PCLO: variants seen among roughly 807,000 people sequenced by gnomAD.
The protein encoded by PCLO is piccolo presynaptic cytomatrix protein.
In PCLO, 82 loss-of-function variants were observed where a neutral mutation model predicts 427.5. The ratio of observed to expected loss-of-function variants is 0.19; its 90% confidence interval spans 0.16 to 0.23. The LOEUF is 0.23. PCLO is among the 10% of genes least tolerant of loss of function. PCLO has a pLI of 1.00. For synonymous variants in PCLO, 2,357 were observed against 2,155.4 expected, an observed-to-expected ratio of 1.09 and a Z score of -2.59; for missense variants, 6,239 against 6,115.9, an observed-to-expected ratio of 1.02 and a Z score of -0.67.
chr7:82,880,106 A>G (rs1214584883), intron 9 of PCLO, among the ~76,000 whole-genome samples: 1 of 152,194 alleles, frequency 6.6e-6, no homozygotes, highest in South Asian at 2.1e-4. Context: ...TAATATTATT[A>G]TGAGAAACCT....
At chr7:83,066,767 A>G (rs946938534) in intron 3 of PCLO, among the ~76,000 whole-genome samples, 25 of 152,278 alleles carry the variant, frequency 1.6e-4, no homozygotes, top group African/African-American at 5.8e-4. Context: ...GGAATGTTCA[A>G]TGGGGCAGAA....
intron 22 of PCLO, among the ~76,000 whole-genome samples, chr7:82,800,415 C>T (rs11771757): frequency 0.033 from 4,962 of 152,116 alleles, 109 homozygotes; most frequent in South Asian, 0.051. Flanking sequence ...GTCCTTGTTC[C>T]ATGTGTGCAC....
chr7:82,970,706 T>G (rs192674753), intron 3 of PCLO, among the ~76,000 whole-genome samples: 1 of 152,006 alleles, frequency 6.6e-6, no homozygotes, highest in Non-Finnish European at 1.5e-5. Flanking sequence ...TACATTTCTT[T>G]AGATATATAA....
intron 8 of PCLO, among the ~76,000 whole-genome samples, chr7:82,907,159 T>C (rs961503448): frequency 2.0e-5 from 3 of 151,964 alleles, no homozygotes; most frequent in Non-Finnish European, 4.4e-5. Context: ...GAATATTAGT[T>C]TGATAAATTA....
chr7:82,972,532 C>T (rs1220030984), intron 3 of PCLO, among the ~76,000 whole-genome samples: 1 of 152,018 alleles, frequency 6.6e-6, no homozygotes, highest in African/African-American at 2.4e-5. Context: ...GGTCACAAAA[C>T]CTACGTGAAC....
At chr7:82,981,782 G>A (rs999487941) in intron 3 of PCLO, among the ~76,000 whole-genome samples, 1 of 152,088 alleles carries the variant, frequency 6.6e-6, no homozygotes, top group Non-Finnish European at 1.5e-5. Context: ...GCACGTAAAT[G>A]AAAAGAAGTC....
intron 10 of PCLO, among the ~76,000 whole-genome samples, chr7:82,866,177 C>G (rs1793087718): frequency 6.6e-6 from 1 of 152,110 alleles, no homozygotes; most frequent in Non-Finnish European, 1.5e-5. Context: ...ATCATTCTTT[C>G]CCCTCCTTGG....
chr7:82,987,357 A>G (rs755102460), intron 3 of PCLO, among the ~76,000 whole-genome samples: 2 of 152,050 alleles, frequency 1.3e-5, no homozygotes, highest in Non-Finnish European at 2.9e-5. Flanking sequence ...TAATGCATAC[A>G]TAATGTTTAC....
intron 3 of PCLO, among the ~76,000 whole-genome samples, chr7:83,005,908 G>A (rs1391958322): frequency 6.6e-6 from 1 of 151,608 alleles, no homozygotes; most frequent in Admixed American, 6.6e-5. Context: ...GCCTTCATTT[G>A]TAATTTGGAG....
chr7:82,885,511 C>T (rs1793606652), intron 9 of PCLO, among the ~76,000 whole-genome samples: 1 of 152,100 alleles, frequency 6.6e-6, no homozygotes, highest in South Asian at 2.1e-4. Flanking sequence ...GTTGTTTTAA[C>T]TCATTAAATT....
At position 82,801,530 on chromosome 7, in the gene PCLO, C is replaced by T; in HGVS notation, c.14995G>A (p.Ala4999Thr). 2 of 1,575,948 alleles carry T rather than the reference C, an allele frequency of 1.3e-6. No individual in the cohort carries two copies. Among genetic ancestry groups the T allele is most frequent in the Non-Finnish European group, 1.7e-6 (2 of 1,145,378 alleles). The change falls in exon 22 of 25, where the codon GCA becomes ACA. Residue 4999 changes from alanine to threonine, a missense_variant. Ala to Thr is a moderately conservative substitution (Grantham distance 58). Transcript: ENST00000333891. Reference protein sequence around the residue: ...VKQPGVGVGLADTEAKTQVMG... With the variant: ...VKQPGVGVGLTDTEAKTQVMG... Reference sequence around the variant, plus strand: ...AATTTTTACTTACCTTCAGTGTCTGCTAGTCCTACTCCTACCCCTGGCTGT... The same window carrying T: ...AATTTTTACTTACCTTCAGTGTCTGTTAGTCCTACTCCTACCCCTGGCTGT...
At chr7:83,018,907 C>T (rs886641162) in intron 3 of PCLO, among the ~76,000 whole-genome samples, 2 of 151,868 alleles carry the variant, frequency 1.3e-5, no homozygotes, top group African/African-American at 4.8e-5. Flanking sequence ...TGTTAGACTG[C>T]ATATTAGAGG....
Position 83,134,353 on chromosome 7 carries a change from A to G in PCLO, c.3197T>C (p.Leu1066Pro). The G allele has an allele frequency of 6.2e-7, 1 of 1,612,922 alleles. No homozygotes were observed. Among genetic ancestry groups the G allele is most frequent in the Admixed American group, 1.7e-5 (1 of 59,858 alleles). ...ESTCPLCKTE[L>P]NIGSKDPPNF... ...AGGAGGATCCTTAGAACCTATGTTG[A>G]GTTCAGTTTTGCAGAGAGGACAGGT... is the stretch of plus-strand genomic sequence containing the variant. The change falls in exon 3 of 25, where the codon CTC becomes CCC. Residue 1066 changes from leucine (L) to proline (P), a missense_variant. Physicochemically the swap from Leu to Pro is moderately conservative, Grantham distance 98. Transcript: ENST00000333891.
At chr7:83,088,020 T>G (rs1213679949) in intron 3 of PCLO, among the ~76,000 whole-genome samples, 1 of 152,230 alleles carries the variant, frequency 6.6e-6, no homozygotes, top group African/African-American at 2.4e-5. Flanking sequence ...GTAATCAGAT[T>G]ATTTTACATT....
chr7:82,897,558 A>G (rs915252958), intron 9 of PCLO, among the ~76,000 whole-genome samples: 1 of 151,444 alleles, frequency 6.6e-6, no homozygotes, highest in Non-Finnish European at 1.5e-5. Flanking sequence ...AGTTGTTCCT[A>G]AAATTTTATA....
chr7:83,134,306 A>T lies in PCLO; in HGVS notation c.3244T>A (p.Cys1082Ser). ...DPPNFNTCTECKNQVCNLCGF... is the reference protein window; with the variant it reads ...DPPNFNTCTESKNQVCNLCGF... ...CAGAGATTACACACTTGATTCTTGC[A>T]TTCAGTGCAAGTATTGAAGTTAGGA... Residue 1082 changes from cysteine (C) to serine (S), a missense_variant, in exon 3 of 25, where the codon TGC becomes AGC. Cys to Ser is a moderately radical substitution (Grantham distance 112, BLOSUM62 -1). This residue lies in a region of PCLO where 4,677 missense variants were observed against 4,468.4 expected (regional missense o/e 1.05). Transcript: ENST00000333891. 4 of 1,595,984 alleles carry T rather than the reference A, an allele frequency of 2.5e-6. No homozygotes were observed. The highest frequency in any genetic ancestry group is 3.4e-6 in the Non-Finnish European group (4 of 1,170,802).
intron 3 of PCLO, among the ~76,000 whole-genome samples, chr7:83,055,883 C>A (rs1240793503): frequency 1.3e-5 from 2 of 151,976 alleles, no homozygotes; most frequent in African/African-American, 4.8e-5. Flanking sequence ...AATCTAGTAA[C>A]CAGAATGCTT....
chr7:83,087,463 A>T (rs1165476748), intron 3 of PCLO, among the ~76,000 whole-genome samples: 1 of 152,068 alleles, frequency 6.6e-6, no homozygotes, highest in Non-Finnish European at 1.5e-5. Flanking sequence ...AAAATTTTTC[A>T]AAGTGTGAAA....
chr7:83,138,179 CG>C (rs1172478268), intron 2 of PCLO, among the ~76,000 whole-genome samples: 3 of 152,174 alleles, frequency 2.0e-5, no homozygotes, highest in Non-Finnish European at 4.4e-5. Flanking sequence ...ATACCTATTA[CG>C]TGCAAGATCT....
Sources: gnomAD v4.1 joint callset for allele counts (sites outside exome capture counted in the v4.1 genomes callset) on GRCh38, gnomAD v4.1.1 for gene constraint, gnomAD v4.1.1 regional missense constraint, MANE v1.5 for transcripts, NCBI Gene and HGNC (gene_info 2026-07-23, HGNC 2026-07-21) for gene names.